Variants in BORA observed in about 807,000 individuals in gnomAD.
BORA encodes the protein BORA aurora kinase A activator.
Under a neutral mutation model 55.8 loss-of-function variants are expected in BORA, and 26 were observed. The ratio of observed to expected loss-of-function variants is 0.47; its 90% CI spans 0.34 to 0.65. The LOEUF is 0.65. Among genes scored for constraint, BORA ranks in the 30% least tolerant of loss-of-function variants. The pLI is 0.01. For missense variants in BORA, 568 were observed against 671.5 expected, an observed-to-expected ratio of 0.85 and a Z score of 1.70; for synonymous variants, 201 against 216.9, an observed-to-expected ratio of 0.93 and a Z score of 0.64.
At chr13:72,728,267 C>A (rs1460112004) in intron 1 of BORA, 1 of 684,600 alleles carries the variant, frequency 1.5e-6, no homozygotes, top group Admixed American at 2.1e-5. Flanking sequence ...CAAGGTGTAG[C>A]CTCTGTAGCC....
rs376758174 is a variant in BORA, at chr13:72,747,026, T to C, written c.1397T>C (p.Ile466Thr). The C allele has an allele frequency of 6.3e-5, 102 of 1,614,010 alleles. 1 individual carries two copies. The highest frequency in any genetic ancestry group is 3.3e-4 in the Middle Eastern group (2 of 6,078). The change falls in exon 10 of 12, where the codon ATT becomes ACT. Residue 466 changes from isoleucine to threonine, a missense_variant. Physicochemically the swap from Ile to Thr is moderately conservative, Grantham distance 89 (BLOSUM62 -1). Coordinates refer to ENST00000390667, the MANE Select transcript of BORA (RefSeq NM_024808.5). Reference sequence around the variant, plus strand: ...CCCATGACTGATTTTGTAAGTGGCATTGCCTTCAGTATTGAAAACTCTCAT... The same window carrying C: ...CCCATGACTGATTTTGTAAGTGGCACTGCCTTCAGTATTGAAAACTCTCAT... ...SLPMTDFVSG[I>T]AFSIENSHMC...
At chr13:72,739,055 G>T (rs190134451) in intron 5 of BORA, among the ~76,000 whole-genome samples, 3 of 152,230 alleles carry the variant, frequency 2.0e-5, no homozygotes, top group Admixed American at 2.0e-4. Context: ...AACCAGAGAG[G>T]TGACCTTGAT....
At position 72,755,188 on chromosome 13, in the gene BORA, C is replaced by T. The variant is rs773461818; in HGVS notation, c.1652C>T (p.Ala551Val). The T allele has an allele frequency of 8.1e-6, 13 of 1,613,564 alleles. No homozygotes were observed. Among genetic ancestry groups the T allele is most frequent in the Middle Eastern group, 1.6e-4 (1 of 6,082 alleles). ...HTTQRCWMKTASPFQCSSP is the reference protein window; with the variant it reads ...HTTQRCWMKTVSPFQCSSP ...ACACAGAGGTGTTGGATGAAAACAG[C>T]AAGCCCTTTTCAATGCAGCAGTCCA... The change falls in exon 12 of 12, where the codon GCA (alanine) becomes GTA (valine). Residue 551 changes from alanine (A) to valine (V), a missense_variant. Coordinates refer to ENST00000390667, the MANE Select transcript of BORA (RefSeq NM_024808.5).
rs2033439522 is a variant in BORA, at chr13:72,755,594, A to G, written c.*378A>G. The G allele has an allele frequency of 2.9e-6, 1 of 342,622 alleles. No homozygotes were observed. Among genetic ancestry groups the G allele is most frequent in the East Asian group, 4.5e-5 (1 of 22,426 alleles). 21.2% of individuals were successfully genotyped at this position (342,622 alleles called of 1,614,324 possible). On this transcript the variant is annotated 3_prime_UTR_variant, in exon 12 of 12. Coordinates refer to ENST00000390667, the MANE Select transcript of BORA (RefSeq NM_024808.5). ...GTGAAACTATGTTAAAACTGAAGGC[A>G]CTATATATTTTTACATAAAAGCTTG...
At chr13:72,749,907 A>C (rs967040251) in intron 10 of BORA, among the ~76,000 whole-genome samples, 3 of 152,090 alleles carry the variant, frequency 2.0e-5, no homozygotes, top group Non-Finnish European at 2.9e-5. Flanking sequence ...TTCCATGCAC[A>C]TTTTGCATTC....
intron 3 of BORA, among the ~76,000 whole-genome samples, chr13:72,733,585 A>T (rs1432229971): frequency 6.6e-6 from 1 of 152,224 alleles, no homozygotes; most frequent in East Asian, 1.9e-4. Context: ...TGAATGCAGT[A>T]ATCCTAGTTC....
Position 72,743,652 on chromosome 13 carries a change from T to C in BORA, c.454+50T>C, listed in dbSNP as rs774257505. On this transcript the variant is annotated intron_variant, in intron 6 of 11. Transcript: ENST00000390667. ...GAAGGATGTTCCATATTAAGCTACA[T>C]TGAATTCTAAACCCAGTTCAGGTAG... 15 of 1,420,106 alleles carry C rather than the reference T, an allele frequency of 1.1e-5. No homozygotes were observed. In the East Asian group the frequency reaches 1.4e-4, roughly 13 times the overall value. The allele number at this position is 1,420,106 out of a possible 1,614,324, so 88.0% of individuals were successfully genotyped here. A position where few individuals can be genotyped will look rare whatever the true frequency, so the allele number is the denominator to read the frequency against.
At chr13:72,737,700 T>C (rs1210199572) in intron 4 of BORA, among the ~76,000 whole-genome samples, 1 of 152,140 alleles carries the variant, frequency 6.6e-6, no homozygotes, top group Non-Finnish European at 1.5e-5. Flanking sequence ...GGGAAAGAAA[T>C]TTAAAATACT....
At chr13:72,747,191 G>A in intron 10 of BORA, 80 bp downstream of exon 10, 1 of 1,458,126 alleles carries the variant, frequency 6.9e-7, no homozygotes, top group Admixed American at 2.1e-5. Flanking sequence ...GTATAAGAAA[G>A]ATAATGGATT....
intron 10 of BORA, among the ~76,000 whole-genome samples, chr13:72,749,061 A>G (rs1305984257): frequency 1.3e-5 from 2 of 152,154 alleles, no homozygotes; most frequent in African/African-American, 2.4e-5. Flanking sequence ...TGTTTCATAC[A>G]TTACATTTCT....
intron 5 of BORA, among the ~76,000 whole-genome samples, chr13:72,743,108 A>G (rs2033069875): frequency 6.6e-6 from 1 of 152,176 alleles, no homozygotes; most frequent in South Asian, 2.1e-4. Flanking sequence ...CCAGGTAACT[A>G]TAGCTGATAA....
chr13:72,746,483 T>TC lies in BORA; in HGVS notation c.872-15dup. On this transcript the variant is annotated splice_polypyrimidine_tract_variant and intron_variant, in intron 9 of 11. Transcript: ENST00000390667. ...CATGTTTTTATGATGTGATTTTTTT[T>TC]CCCTTCCCACCTTTCAGAACAAAGG... The TC allele has an allele frequency of 6.3e-7, 1 of 1,575,842 alleles. No individual in the cohort carries two copies. The highest frequency in any genetic ancestry group is 1.2e-5 in the South Asian group (1 of 86,556).
intron 7 of BORA, 30 bp from the exon 8 acceptor site, chr13:72,744,951 C>G: frequency 6.3e-7 from 1 of 1,584,624 alleles, no homozygotes; most frequent in Non-Finnish European, 8.7e-7. Context: ...AAATGACTAG[C>G]TTTGCCTTTT....
intron 5 of BORA, among the ~76,000 whole-genome samples, chr13:72,741,674 C>T (rs1376612596): frequency 6.6e-6 from 1 of 151,560 alleles, no homozygotes. Flanking sequence ...CTAAGCCCTT[C>T]TAGGGGAAGC....
At chr13:72,729,613 A>G (rs2138035404) in intron 2 of BORA, among the ~76,000 whole-genome samples, 1 of 152,312 alleles carries the variant, frequency 6.6e-6, no homozygotes, top group African/African-American at 2.4e-5. Flanking sequence ...TGTCACAACT[A>G]CTCACTTCTG....
chr13:72,752,753 C>T (rs1403779502), intron 10 of BORA: 1 of 142,710 alleles, frequency 7.0e-6, no homozygotes, highest in Non-Finnish European at 1.5e-5. Context: ...AATCTGGGAA[C>T]ATTTTTTCAG....
At position 72,755,410 on chromosome 13, in the gene BORA, T is replaced by G; in HGVS notation, c.*194T>G. The G allele has an allele frequency of 1.9e-6, 1 of 527,750 alleles. No homozygotes were observed. The highest frequency in any genetic ancestry group is 3.3e-6 in the Non-Finnish European group (1 of 299,074). 32.7% of individuals were successfully genotyped at this position (527,750 alleles called of 1,614,324 possible). On this transcript the variant is annotated 3_prime_UTR_variant, in exon 12 of 12. Coordinates refer to ENST00000390667, the MANE Select transcript of BORA (RefSeq NM_024808.5). ...GCTCCTGGAACTTCAAGTTGCTGAA[T>G]TATAAGTTTATTTTTTATCAATAAA...
intron 6 of BORA, among the ~76,000 whole-genome samples, chr13:72,743,975 G>A (rs924066714): frequency 6.6e-6 from 1 of 152,014 alleles, no homozygotes; most frequent in African/African-American, 2.4e-5. Flanking sequence ...GGGCTCAAGC[G>A]ATCTGCCCAC....
chr13:72,744,925 G>A, intron 7 of BORA, 56 bp from the exon 8 acceptor site: 12 of 1,510,928 alleles, frequency 7.9e-6, no homozygotes, highest in Non-Finnish European at 1.1e-5. Flanking sequence ...AGTAACAGAA[G>A]TATAATTGCC....
Sources: allele counts gnomAD v4.1 joint callset (sites outside exome capture counted in the v4.1 genomes callset), GRCh38; gene constraint gnomAD v4.1.1; transcripts MANE v1.5; gene names NCBI Gene and HGNC (gene_info 2026-07-23, HGNC 2026-07-21).